TGDS: variants seen among roughly 807,000 people sequenced by gnomAD.
TGDS encodes the protein TDP-glucose 4,6-dehydratase, also known as UDP-D-glucose 4,6-dehydratase.
TGDS carries 47 observed loss-of-function variants against 52.3 expected under a neutral mutation model. That is an observed-to-expected ratio of 0.90 (90% CI 0.71 to 1.15). TGDS has a LOEUF of 1.15. Ranked by LOEUF, TGDS falls within the 50% of genes most tolerant of loss-of-function variation. The pLI is 0.00. For synonymous variants in TGDS, 115 were observed against 136.9 expected (o/e 0.84, Z 1.12); for missense variants, 375 against 418.4 (o/e 0.90, Z 0.90).
intron 7 of TGDS, 105 bp from the exon 8 acceptor site, chr13:94,578,878 T>C (rs923587741): frequency 5.0e-5 from 31 of 617,138 alleles, no homozygotes; most frequent in Non-Finnish European, 8.2e-5. Flanking sequence ...GCATATGGAT[T>C]GCTTCTAATT....
chr13:94,589,424 C>T (rs1427248916), intron 4 of TGDS, among the ~76,000 whole-genome samples: 1 of 151,816 alleles, frequency 6.6e-6, no homozygotes, highest in Non-Finnish European at 1.5e-5. Flanking sequence ...ACGCCATTCT[C>T]CTGCCTCAGC....
In TGDS at chr13:94,593,878, T is replaced by C. The variant is rs766334560; in HGVS notation, c.116A>G (p.Glu39Gly). 1 of 1,584,378 alleles carries C rather than the reference T, an allele frequency of 6.3e-7. No individual in the cohort carries two copies. Among genetic ancestry groups the C allele is most frequent in the South Asian group, 1.2e-5 (1 of 85,722 alleles). The change falls in exon 2 of 12, where the codon GAA (glutamate) becomes GGA (glycine). Residue 39 changes from glutamate (E) to glycine (G), a missense_variant. Glu to Gly is a moderately conservative substitution (Grantham distance 98). Coordinates refer to ENST00000261296, the MANE Select transcript of TGDS (RefSeq NM_014305.4). ...IASHMIVSLVEDYPNYMIINL... is the reference protein window; with the variant it reads ...IASHMIVSLVGDYPNYMIINL... The stretch of plus-strand genomic sequence containing the variant: ...TATGATCATATAGTTTGGATAATCT[T>C]CCACTAAAGAGACAATCATATGTGA...
At chr13:94,577,677 C>T (rs1406956435) in intron 9 of TGDS, among the ~76,000 whole-genome samples, 2 of 152,098 alleles carry the variant, frequency 1.3e-5, no homozygotes, top group East Asian at 3.9e-4. Context: ...AAATTGATGT[C>T]CCCTAATATA....
chr13:94,591,060 G>A (rs1889184629), intron 3 of TGDS, 117 bp from the exon 4 acceptor site: 1 of 673,110 alleles, frequency 1.5e-6, no homozygotes, highest in Non-Finnish European at 2.5e-6. Context: ...AGAATGCCTT[G>A]AAAATTCAAC....
intron 4 of TGDS, among the ~76,000 whole-genome samples, chr13:94,586,751 A>ATTTT (rs55763244): frequency 6.0e-4 from 22 of 36,852 alleles, no homozygotes; most frequent in South Asian, 1.5e-3. Context: ...AAATCAAATT[A>ATTTT]TTTTTTTTTT....
chr13:94,577,875 C>G (rs1368934584), intron 9 of TGDS, 130 bp downstream of exon 9: 1 of 952,810 alleles, frequency 1.0e-6, no homozygotes, highest in Admixed American at 3.1e-5. Context: ...ACATATGGTA[C>G]ACAAAATCAT....
chr13:94,579,540 G>C (rs1359888086), intron 7 of TGDS: 1 of 164,564 alleles, frequency 6.1e-6, no homozygotes, highest in African/African-American at 2.4e-5. Context: ...TGACATACTG[G>C]TCTGACTGCA....
intron 6 of TGDS, among the ~76,000 whole-genome samples, chr13:94,580,482 T>C (rs945336675): frequency 9.2e-5 from 14 of 152,136 alleles, no homozygotes; most frequent in Middle Eastern, 3.2e-3. Context: ...TGAGGATTCA[T>C]ATGGGGTAAG....
In TGDS at chr13:94,577,348, C is replaced by T. The variant is rs1396363667; in HGVS notation, c.884+23G>A. The stretch of plus-strand genomic sequence containing the variant: ...TACCTAAGATTTCACAACCTTTCCC[C>T]AAGGTTTTAACTTGTTACTCACCTA... On this transcript the variant is annotated intron_variant, in intron 10 of 11. Coordinates refer to ENST00000261296, the MANE Select transcript of TGDS (RefSeq NM_014305.4). The T allele has an allele frequency of 2.0e-6, 3 of 1,535,892 alleles. No homozygotes were observed. In the South Asian group the frequency reaches 3.8e-5, roughly 19 times the overall value.
rs727502809 is a variant in TGDS, at chr13:94,590,894, TTC to T, written c.270_271del (p.Lys91AsnfsTer22). 44 of 1,577,108 alleles carry T rather than the reference TTC, an allele frequency of 2.8e-5. No homozygotes were observed. The highest frequency in any genetic ancestry group is 1.9e-4 in the African/African-American group (14 of 72,260). On this transcript the variant is annotated frameshift_variant, in exon 4 of 12. Coordinates refer to ENST00000261296, the MANE Select transcript of TGDS (RefSeq NM_014305.4). LOFTEE classifies it high-confidence loss of function. ...GGCAAAATGTAGTACTATATCTATTTTCTCTGTTTCAAAAAGCAGTTTCACAA... is the reference window on the plus strand; with the variant it reads ...GGCAAAATGTAGTACTATATCTATTTTCTGTTTCAAAAAGCAGTTTCACAA...
At chr13:94,589,128 T>C (rs1332531372) in intron 4 of TGDS, among the ~76,000 whole-genome samples, 1 of 152,030 alleles carries the variant, frequency 6.6e-6, no homozygotes, top group East Asian at 1.9e-4. Flanking sequence ...ATTGAAAACA[T>C]CTGTTCATCA....
At chr13:94,583,290 T>G in intron 4 of TGDS, 54 bp from the exon 5 acceptor site, 1 of 1,568,190 alleles carries the variant, frequency 6.4e-7, no homozygotes, top group Admixed American at 1.8e-5. Flanking sequence ...ATAAAACAAA[T>G]GCCAAATGAT....
intron 4 of TGDS, among the ~76,000 whole-genome samples, chr13:94,586,125 A>T (rs1189403490): frequency 6.6e-6 from 1 of 152,220 alleles, no homozygotes; most frequent in Non-Finnish European, 1.5e-5. Context: ...CCAAGGAAAC[A>T]GAACAGGTGG....
chr13:94,578,487 T>A (rs1322571001), intron 8 of TGDS, among the ~76,000 whole-genome samples: 3 of 152,180 alleles, frequency 2.0e-5, no homozygotes, highest in African/African-American at 7.2e-5. Flanking sequence ...TAAAAATAGA[T>A]TTCAAATTTT....
chr13:94,589,319 C>CT (rs36115215), intron 4 of TGDS, among the ~76,000 whole-genome samples: 95,511 of 146,462 alleles, frequency 0.65, 30,952 homozygotes, highest in Admixed American at 0.71. Flanking sequence ...CAAAAGATTT[C>CT]TTTTTTTTTT....
In TGDS at chr13:94,576,401, C is replaced by T. The variant is rs376831797; in HGVS notation, c.895G>A (p.Asp299Asn). The T allele has an allele frequency of 3.1e-6, 5 of 1,590,692 alleles. No homozygotes were observed. Among genetic ancestry groups the T allele is most frequent in the Non-Finnish European group, 4.3e-6 (5 of 1,168,756 alleles). Residue 299 changes from aspartate (D) to asparagine (N), a missense_variant, in exon 11 of 12, where the codon GAC (aspartate) becomes AAC (asparagine). Physicochemically the swap from Asp to Asn is conservative, Grantham distance 23 (BLOSUM62 1). Transcript: ENST00000261296. ...VDYVNDRPTN[D>N]MRYPMKSEKI... Reference sequence around the variant, plus strand: ...TCTGACTTCATTGGGTATCTCATGTCATTGGTGGGTCTTGGAAAACAAAAC... The same window carrying T: ...TCTGACTTCATTGGGTATCTCATGTTATTGGTGGGTCTTGGAAAACAAAAC...
rs781080381 is a variant in TGDS at position 94,590,920 on chromosome 13, A to G, written c.246T>C (p.Phe82=). 5 of 1,573,378 alleles carry G rather than the reference A, an allele frequency of 3.2e-6. No homozygotes were observed. The highest frequency in any genetic ancestry group is 4.8e-5 in the East Asian group (2 of 41,952). Reference sequence around the variant, plus strand: ...TCTCTGTTTCAAAAAGCAGTTTCACAAAGTGAGAATCACATATGTCACCCT... The same window carrying G: ...TCTCTGTTTCAAAAAGCAGTTTCACGAAGTGAGAATCACATATGTCACCCT... ...FIQGDICDSH[F]VKLLFETEKI... The change falls in exon 4 of 12, where the codon TTT becomes TTC. Residue 82 remains phenylalanine (F), a synonymous_variant. Transcript: ENST00000261296.
At chr13:94,576,471 TTAG>T in intron 10 of TGDS, 60 bp from the exon 11 acceptor site, 1 of 1,175,642 alleles carries the variant, frequency 8.5e-7, no homozygotes, top group Non-Finnish European at 1.2e-6. Context: ...AATTTAGATA[TTAG>T]GAGATATGTG....
chr13:94,586,016 C>A (rs1000482525), intron 4 of TGDS, among the ~76,000 whole-genome samples: 1 of 151,680 alleles, frequency 6.6e-6, no homozygotes, highest in Non-Finnish European at 1.5e-5. Flanking sequence ...AAGAAAAATT[C>A]CTCAGTCAAA....
Sources: allele counts gnomAD v4.1 joint callset (sites outside exome capture counted in the v4.1 genomes callset), GRCh38; gene constraint gnomAD v4.1.1; transcripts MANE v1.5; gene names NCBI Gene and HGNC (gene_info 2026-07-23, HGNC 2026-07-21).